RUNX1: variants seen among roughly 807,000 people sequenced by gnomAD.
RUNX1 encodes RUNX family transcription factor 1, also known as runt-related transcription factor 1.
In RUNX1, 19 loss-of-function variants were observed where a neutral mutation model predicts 42.8. The ratio of observed to expected loss-of-function variants is 0.44; its 90% CI spans 0.31 to 0.65. The LOEUF (loss-of-function observed/expected upper bound fraction) is 0.65. RUNX1 is among the 30% of genes least tolerant of loss of function. The pLI is 0.07. For missense variants in RUNX1, 528 were observed against 672.0 expected (o/e 0.79, Z 2.37); for synonymous variants, 271 against 289.4 (o/e 0.94, Z 0.64).
chr21:35,000,388 C>T (rs954427213), intron 2 of RUNX1, among the ~76,000 whole-genome samples: 1 of 151,784 alleles, frequency 6.6e-6, no homozygotes, highest in African/African-American at 2.4e-5. Flanking sequence ...CTACAGGCAC[C>T]CACCACCACA....
At chr21:34,898,353 C>A (rs2058146560) in intron 2 of RUNX1, among the ~76,000 whole-genome samples, 2 of 152,184 alleles carry the variant, frequency 1.3e-5, no homozygotes, top group African/African-American at 2.4e-5. Flanking sequence ...CGTTTTACAG[C>A]AATAAGAAAA....
At chr21:34,966,300 C>T (rs1197826162) in intron 2 of RUNX1, among the ~76,000 whole-genome samples, 1 of 152,208 alleles carries the variant, frequency 6.6e-6, no homozygotes, top group East Asian at 1.9e-4. Context: ...GATAAGCAAA[C>T]ATTTTTCAAG....
At chr21:34,849,748 T>C (rs1261895112) in intron 6 of RUNX1, among the ~76,000 whole-genome samples, 2 of 150,968 alleles carry the variant, frequency 1.3e-5, no homozygotes, top group East Asian at 3.9e-4. Context: ...CTTTTCATAA[T>C]TAATACTTTG....
intron 7 of RUNX1, among the ~76,000 whole-genome samples, chr21:34,813,175 G>C (rs1416549882): frequency 6.6e-6 from 1 of 152,128 alleles, no homozygotes; most frequent in Non-Finnish European, 1.5e-5. Context: ...GAGTGCTACT[G>C]TCATCTAGTA....
Position 34,865,279 on chromosome 21 carries a change from C to CATGT in RUNX1, c.509-5702_509-5701insACAT, listed in dbSNP as rs2057641884. 5.3e-5 allele frequency among the ~76,000 whole-genome samples: 7 copies of CATGT among 132,380 alleles called. No homozygotes were observed. In the Admixed American group the frequency reaches 5.4e-4, roughly 10 times the overall value. The allele number at this position is 132,380 out of a possible 152,430, so 86.8% of individuals were successfully genotyped here. The stretch of plus-strand genomic sequence containing the variant: ...GTCTGACATGAGGAGGGGTTTTGTG[C>CATGT]GTGTGTGTGTGTGTGTGTGTGTGTG... On this transcript the variant is annotated intron_variant, in intron 5 of 8. Transcript: ENST00000675419.
At chr21:34,918,223 T>A (rs1011173865) in intron 2 of RUNX1, among the ~76,000 whole-genome samples, 1 of 149,418 alleles carries the variant, frequency 6.7e-6, no homozygotes, top group Non-Finnish European at 1.5e-5. Flanking sequence ...TATGCAATAA[T>A]CCAAGCACCC....
intron 3 of RUNX1, chr21:34,889,553 G>T: frequency 1.7e-6 from 1 of 572,860 alleles, no homozygotes; most frequent in Non-Finnish European, 2.3e-6. Context: ...GCCTTGTAGC[G>T]CCGGCACCCG....
At chr21:34,807,961 C>G (rs2056703575) in intron 7 of RUNX1, among the ~76,000 whole-genome samples, 2 of 152,248 alleles carry the variant, frequency 1.3e-5, no homozygotes, top group South Asian at 2.1e-4. Flanking sequence ...AGTGTTTCCT[C>G]TGGCCTCTGC....
chr21:34,887,594 A>C, intron 3 of RUNX1: 1 of 1,097,284 alleles, frequency 9.1e-7, no homozygotes, highest in Non-Finnish European at 1.1e-6. Flanking sequence ...GAACACAATT[A>C]TCTCCCGTAA....
In RUNX1 at chr21:34,895,061, C is replaced by G. The variant is rs141332336; in HGVS notation, c.59-2098G>C. Among the ~76,000 whole-genome samples the G allele has an allele frequency of 1.9e-4, 29 of 152,110 alleles. 1 individual carries two copies. The highest frequency in any genetic ancestry group is 1.4e-3 in the Admixed American group (21 of 15,270). On this transcript the variant is annotated intron_variant, in intron 2 of 8. Transcript: ENST00000675419. The stretch of plus-strand genomic sequence containing the variant: ...TCTCATCTTTCACTTTTATCCCCCC[C>G]GTCTCAGGGTCTAGATCAGAAAATA...
At position 34,968,929 on chromosome 21, in the gene RUNX1, C is replaced by T. The variant is rs146276307; in HGVS notation, c.59-75966G>A. On this transcript the variant is annotated intron_variant, in intron 2 of 8. Transcript: ENST00000675419. ...AGCTAAAACAATTCAGTAACCCCGCCGGCAATTCTGCAATAGTTCTTGGAG... is the reference window on the plus strand; with the variant it reads ...AGCTAAAACAATTCAGTAACCCCGCTGGCAATTCTGCAATAGTTCTTGGAG... Among the ~76,000 whole-genome samples the T allele has an allele frequency of 3.9e-3, 598 of 152,230 alleles. 2 individuals are homozygous for T. The highest frequency in any genetic ancestry group is 0.014 in the African/African-American group (574 of 41,536).
intron 4 of RUNX1, among the ~76,000 whole-genome samples, chr21:34,884,898 A>C (rs1194544520): frequency 6.6e-6 from 1 of 152,180 alleles, no homozygotes; most frequent in Non-Finnish European, 1.5e-5. Context: ...AAAACAAATT[A>C]ATTGTTTTTA....
At chr21:35,035,237 G>A (rs886139698) in intron 2 of RUNX1, among the ~76,000 whole-genome samples, 2 of 152,176 alleles carry the variant, frequency 1.3e-5, no homozygotes, top group African/African-American at 2.4e-5. Context: ...AATCATCATC[G>A]TCACACTGTA....
intron 2 of RUNX1, among the ~76,000 whole-genome samples, chr21:35,016,016 A>G (rs2059156784): frequency 6.6e-6 from 1 of 152,196 alleles, no homozygotes; most frequent in Non-Finnish European, 1.5e-5. Context: ...TATACTTGAT[A>G]CATGTTATTT....
At chr21:34,992,208 G>C (rs1314854434) in intron 2 of RUNX1, among the ~76,000 whole-genome samples, 1 of 152,226 alleles carries the variant, frequency 6.6e-6, no homozygotes, top group Non-Finnish European at 1.5e-5. Flanking sequence ...ACAGGGTACA[G>C]AGCCAGCAGG....
intron 5 of RUNX1, among the ~76,000 whole-genome samples, chr21:34,876,139 A>G (rs2057809974): frequency 6.6e-6 from 1 of 152,228 alleles, no homozygotes; most frequent in African/African-American, 2.4e-5. Flanking sequence ...TTGGCCTTAC[A>G]GGGCTGGGTG....
intron 2 of RUNX1, among the ~76,000 whole-genome samples, chr21:34,989,143 A>G (rs2058916382): frequency 6.6e-6 from 1 of 151,870 alleles, no homozygotes; most frequent in African/African-American, 2.4e-5. Context: ...TGAGTAGCTG[A>G]GATTACAGGC....
intron 7 of RUNX1, among the ~76,000 whole-genome samples, chr21:34,826,541 G>A (rs371166828): frequency 7.0e-5 from 10 of 143,428 alleles, no homozygotes; most frequent in Non-Finnish European, 1.4e-4. Context: ...CGGCTCAAGC[G>A]ATTCTCCTGC....
In RUNX1 at chr21:34,848,558, C is replaced by A. The variant is rs905800146; in HGVS notation, c.613+10916G>T. 4.6e-5 allele frequency among the ~76,000 whole-genome samples: 7 copies of A among 152,160 alleles called. 1 individual carries two copies. Among genetic ancestry groups the A allele is most frequent in the Admixed American group, 4.6e-4 (7 of 15,286 alleles). On this transcript the variant is annotated intron_variant, in intron 6 of 8. Transcript: ENST00000675419. ...CAAGTGATTCTCCTGCCTCAGCATC[C>A]CGAGTAGCTGGGATTATAGGCGCCT... is the stretch of plus-strand genomic sequence containing the variant.
Sources: gnomAD v4.1 joint callset for allele counts (sites outside exome capture counted in the v4.1 genomes callset) on GRCh38, gnomAD v4.1.1 for gene constraint, MANE v1.5 for transcripts, NCBI Gene and HGNC (gene_info 2026-07-23, HGNC 2026-07-21) for gene names.